The following CFAP91 variants were observed in gnomAD, a reference collection of about 807,000 sequenced individuals.
CFAP91 encodes the protein cilia- and flagella-associated protein 91.
A neutral mutation model predicts 95.9 loss-of-function variants in CFAP91; 85 were observed. That is an observed-to-expected ratio of 0.89 (90% confidence interval 0.74 to 1.06). CFAP91 has a LOEUF of 1.06. Ranked by LOEUF, CFAP91 falls within the 50% of genes least tolerant of loss-of-function variation. The probability of loss-of-function intolerance (pLI) is 0.00; values close to 1 mark genes in which losing one functional copy is unlikely to be tolerated. For missense variants in CFAP91, 962 were observed against 943.4 expected (o/e 1.02, Z -0.26); for synonymous variants, 335 against 327.5 (o/e 1.02, Z -0.25).
intron 14 of CFAP91, 90 bp from the exon 15 acceptor site, chr3:119,747,025 C>A: frequency 3.0e-6 from 3 of 988,578 alleles, no homozygotes; most frequent in Admixed American, 2.6e-5. Context: ...AATATATGAG[C>A]TAGAAAAAGT....
rs750134160 is a variant in CFAP91 at position 119,751,041 on chromosome 3, G to A, written c.2248G>A (p.Ala750Thr). 1 of 1,613,434 alleles carries A rather than the reference G, an allele frequency of 6.2e-7. No homozygotes were observed. The highest frequency in any genetic ancestry group is 8.5e-7 in the Non-Finnish European group (1 of 1,179,780). Residue 750 changes from alanine (A) to threonine (T), a missense_variant, in exon 17 of 18, where the codon GCC (alanine) becomes ACC (threonine). Coordinates refer to ENST00000273390, the MANE Select transcript of CFAP91 (RefSeq NM_033364.4). ...ATTAACTGAGGGAGAGCAAGATGAG[G>A]CCTCAAATGCTGCCATGTTACTTGA... ...KKLTEGEQDE[A>T]SNAAMLLEKE...
intron 17 of CFAP91, among the ~76,000 whole-genome samples, chr3:119,754,450 A>T (rs1055932112): frequency 6.6e-6 from 1 of 152,254 alleles, no homozygotes; most frequent in African/African-American, 2.4e-5. Context: ...TATATTGGAA[A>T]AAACGAGAAA....
intron 3 of CFAP91, among the ~76,000 whole-genome samples, chr3:119,708,333 G>T (rs1163056075): frequency 6.6e-6 from 1 of 151,804 alleles, no homozygotes; most frequent in East Asian, 1.9e-4. Flanking sequence ...TTAAAATTGG[G>T]CATTTTTGTA....
intron 7 of CFAP91, among the ~76,000 whole-genome samples, chr3:119,728,138 C>T (rs1577217720): frequency 6.8e-6 from 1 of 146,864 alleles, no homozygotes. Context: ...ATGATGATGA[C>T]GAGTGGACTA....
chr3:119,730,173 T>C, intron 7 of CFAP91, 47 bp from the exon 8 acceptor site: 1 of 1,580,694 alleles, frequency 6.3e-7, no homozygotes, highest in Admixed American at 1.8e-5. Context: ...CCTTGCCCTC[T>C]GTTTGAGATG....
At chr3:119,756,609 A>G (rs1358434916) in intron 17 of CFAP91, among the ~76,000 whole-genome samples, 2 of 152,242 alleles carry the variant, frequency 1.3e-5, no homozygotes, top group African/African-American at 4.8e-5. Flanking sequence ...TATATAAGTC[A>G]GAAGAGGGCT....
intron 10 of CFAP91, among the ~76,000 whole-genome samples, chr3:119,734,326 G>A (rs2053959716): frequency 6.6e-6 from 1 of 152,142 alleles, no homozygotes; most frequent in Non-Finnish European, 1.5e-5. Context: ...GACCTTAACA[G>A]TAATTTATGT....
chr3:119,741,640 A>G (rs1446871550), intron 13 of CFAP91, among the ~76,000 whole-genome samples: 1 of 152,086 alleles, frequency 6.6e-6, no homozygotes, highest in Non-Finnish European at 1.5e-5. Context: ...GCTTTATTTT[A>G]CTCCCTCTCC....
chr3:119,763,601 T>C lies in CFAP91; in HGVS notation c.*2-1451T>C, dbSNP rs1312162940. 6.6e-5 allele frequency among the ~76,000 whole-genome samples: 10 copies of C among 151,400 alleles called. No homozygotes were observed. The East Asian group carries it at 1.9e-3, about 29-fold the overall frequency. The stretch of plus-strand genomic sequence containing the variant: ...CCAACAGATGATGGTATACACACAA[T>C]TGAATACTATTCAGCCTTAAAAAAA... On this transcript the variant is annotated intron_variant, in intron 17 of 17. Coordinates refer to ENST00000273390, the MANE Select transcript of CFAP91 (RefSeq NM_033364.4).
rs139653997 is a variant in CFAP91, at chr3:119,744,116, C to T, written c.1822C>T (p.Arg608Trp). The T allele has an allele frequency of 8.6e-5, 139 of 1,613,886 alleles. No individual in the cohort carries two copies. Among genetic ancestry groups the T allele is most frequent in the African/African-American group, 5.3e-5 (4 of 74,904 alleles). ...TGTCATGCTGGCTGAGCGCCAGCGG[C>T]GGGTACGAGAGGCTGAAGAGAGTGG... ...AFVMLAERQR[R>W]VREAEESGRR... is the part of the protein sequence containing the mutation. Residue 608 changes from arginine (R) to tryptophan (W), a missense_variant, in exon 14 of 18, where the codon CGG (arginine) becomes TGG (tryptophan). Physicochemically the swap from Arg to Trp is moderately radical, Grantham distance 101. Transcript: ENST00000273390.
chr3:119,713,083 T>TTTA (rs2053504505), intron 5 of CFAP91: 2 of 139,680 alleles, frequency 1.4e-5, no homozygotes, highest in Non-Finnish European at 3.1e-5. Flanking sequence ...TTTATTTTAT[T>TTTA]TTTATTTATT....
intron 1 of CFAP91, 143 bp from the exon 2 acceptor site, chr3:119,706,666 G>A: frequency 3.1e-6 from 2 of 651,942 alleles, no homozygotes; most frequent in East Asian, 2.8e-5. Flanking sequence ...ATGCACAACA[G>A]AGCATGAGCT....
chr3:119,737,618 C>T lies in CFAP91; in HGVS notation c.1461+136C>T. On this transcript the variant is annotated intron_variant, in intron 11 of 17. Transcript: ENST00000273390. ...CTCTGACTTAAATATTGTCTTTATT[C>T]TTATGTATCAAACATCAGACACAGA... is the stretch of plus-strand genomic sequence containing the variant. The T allele has an allele frequency of 5.8e-6, 3 of 517,936 alleles. No individual in the cohort carries two copies. The South Asian group carries it at 1.1e-4, about 19-fold the overall frequency. The allele number at this position is 517,936 out of a possible 1,614,324, so 32.1% of individuals were successfully genotyped here. A position where few individuals can be genotyped will look rare whatever the true frequency, so the allele number is the denominator to read the frequency against.
intron 14 of CFAP91, among the ~76,000 whole-genome samples, chr3:119,746,800 A>G (rs1269142359): frequency 6.6e-6 from 1 of 152,218 alleles, no homozygotes; most frequent in African/African-American, 2.4e-5. Context: ...GCTGGTAAGA[A>G]CAAAGCCAGG....
chr3:119,715,402 C>T (rs751732861), intron 5 of CFAP91, 160 bp from the exon 6 acceptor site: 19 of 736,874 alleles, frequency 2.6e-5, no homozygotes, highest in East Asian at 7.9e-5. Flanking sequence ...AAGATTTGTG[C>T]GCATAATCCT....
chr3:119,747,958 A>G (rs1043146217), intron 16 of CFAP91, 56 bp downstream of exon 16: 3 of 1,303,072 alleles, frequency 2.3e-6, no homozygotes, highest in Non-Finnish European at 3.3e-6. Context: ...AATTATTTTC[A>G]ATATCCCAGA....
At chr3:119,745,769 GT>G (rs2054209317) in intron 14 of CFAP91, among the ~76,000 whole-genome samples, 1 of 152,152 alleles carries the variant, frequency 6.6e-6, no homozygotes, top group African/African-American at 2.4e-5. Context: ...ATATATTTTG[GT>G]TGGTTAGTTG....
intron 6 of CFAP91, among the ~76,000 whole-genome samples, chr3:119,723,870 G>A (rs976288262): frequency 2.0e-5 from 3 of 152,102 alleles, no homozygotes; most frequent in Admixed American, 2.0e-4. Flanking sequence ...TAATAAAAGT[G>A]CTTAAATAGC....
intron 13 of CFAP91, 142 bp from the exon 14 acceptor site, chr3:119,743,833 G>T: frequency 1.4e-6 from 1 of 726,514 alleles, no homozygotes. Flanking sequence ...GGAGCCAATT[G>T]AGAGGTAATA....
Sources: allele counts gnomAD v4.1 joint callset (sites outside exome capture counted in the v4.1 genomes callset), GRCh38; gene constraint gnomAD v4.1.1; transcripts MANE v1.5; gene names NCBI Gene and HGNC (gene_info 2026-07-23, HGNC 2026-07-21).